Variants in KHDRBS3 observed in about 807,000 individuals in gnomAD.
The protein encoded by KHDRBS3 is KH domain-containing, RNA-binding, signal transduction-associated protein 3.
KHDRBS3 carries 23 observed loss-of-function variants against 45.6 expected under a neutral mutation model. The observed-to-expected ratio is 0.50, with a 90% CI of 0.36 to 0.72. The LOEUF is 0.72. Ranked by LOEUF, KHDRBS3 falls within the 30% of genes least tolerant of loss-of-function variation. The pLI is 0.00. For missense variants in KHDRBS3, 352 were observed against 424.8 expected (o/e 0.83, Z 1.51); for synonymous variants, 162 against 156.5 (o/e 1.04, Z -0.26).
chr8:135,618,500 A>T (rs2131076239), intron 7 of KHDRBS3, among the ~76,000 whole-genome samples: 1 of 152,332 alleles, frequency 6.6e-6, no homozygotes, highest in South Asian at 2.1e-4. Flanking sequence ...TATCAATGGT[A>T]ACTATATTTC....
intron 7 of KHDRBS3, among the ~76,000 whole-genome samples, chr8:135,616,579 C>T (rs960645605): frequency 2.0e-5 from 3 of 152,282 alleles, no homozygotes; most frequent in East Asian, 3.9e-4. Context: ...TTGGATTTAG[C>T]GCTGCCATCT....
chr8:135,595,262 T>C (rs774810200), intron 6 of KHDRBS3, among the ~76,000 whole-genome samples: 6 of 152,208 alleles, frequency 3.9e-5, no homozygotes, highest in Non-Finnish European at 7.3e-5. Flanking sequence ...CATTTCTTGA[T>C]CTGAGCATTG....
intron 7 of KHDRBS3, among the ~76,000 whole-genome samples, chr8:135,620,287 G>A (rs1372479777): frequency 1.3e-5 from 2 of 151,982 alleles, no homozygotes; most frequent in African/African-American, 4.8e-5. Flanking sequence ...TTTTTTTAGA[G>A]ACGGAGTTTT....
chr8:135,577,409 A>G (rs192314284), intron 5 of KHDRBS3, among the ~76,000 whole-genome samples: 12 of 151,256 alleles, frequency 7.9e-5, no homozygotes, highest in African/African-American at 2.4e-4. Flanking sequence ...TAGTTATTCA[A>G]CCTTCTCTCC....
chr8:135,626,112 G>A, intron 7 of KHDRBS3: 1 of 499,582 alleles, frequency 2.0e-6, no homozygotes, highest in Non-Finnish European at 3.6e-6. Flanking sequence ...ATTTAAAAAG[G>A]ACTTCTGCTT....
intron 1 of KHDRBS3, among the ~76,000 whole-genome samples, chr8:135,489,492 A>G (rs933648041): frequency 2.6e-5 from 4 of 152,182 alleles, no homozygotes; most frequent in African/African-American, 9.7e-5. Context: ...TTCCTGGCCA[A>G]TATAGTGAAA....
intron 7 of KHDRBS3, among the ~76,000 whole-genome samples, chr8:135,633,948 A>G (rs1214306104): frequency 1.3e-5 from 2 of 152,210 alleles, no homozygotes; most frequent in Non-Finnish European, 2.9e-5. Context: ...GGTTTGCACA[A>G]ATGTGTAATG....
At chr8:135,631,252 G>GAAA (rs35613635) in intron 7 of KHDRBS3, among the ~76,000 whole-genome samples, 61 of 74,788 alleles carry the variant, frequency 8.2e-4, no homozygotes, top group African/African-American at 1.6e-3. Flanking sequence ...CTCCGTCTCG[G>GAAA]AAAAAAAAAA....
chr8:135,575,525 AAG>A (rs1827910999), intron 5 of KHDRBS3, among the ~76,000 whole-genome samples: 1 of 152,258 alleles, frequency 6.6e-6, no homozygotes, highest in Middle Eastern at 3.2e-3. Context: ...TGAAAGGGAA[AAG>A]AGAACGCCAA....
intron 6 of KHDRBS3, among the ~76,000 whole-genome samples, chr8:135,599,058 T>C (rs1239585161): frequency 1.7e-4 from 26 of 152,256 alleles, no homozygotes; most frequent in Admixed American, 1.7e-3. Context: ...TCCTTTATCC[T>C]GGAAAATCTC....
At chr8:135,528,011 T>C (rs915859142) in intron 2 of KHDRBS3, among the ~76,000 whole-genome samples, 1 of 152,230 alleles carries the variant, frequency 6.6e-6, no homozygotes, top group Admixed American at 6.5e-5. Context: ...TGTACTGTGA[T>C]TGTGATTCTC....
At chr8:135,505,905 C>T (rs1823971764) in intron 1 of KHDRBS3, among the ~76,000 whole-genome samples, 1 of 152,122 alleles carries the variant, frequency 6.6e-6, no homozygotes, top group South Asian at 2.1e-4. Context: ...ACTGGAAACA[C>T]AGTGGGAAGG....
chr8:135,653,798 C>T (rs1831477481), intron 4 of KHDRBS3, among the ~76,000 whole-genome samples: 2 of 152,174 alleles, frequency 1.3e-5, no homozygotes, highest in African/African-American at 4.8e-5. Context: ...TTTATGAGGA[C>T]ATAACCCCAT....
intron 6 of KHDRBS3, among the ~76,000 whole-genome samples, chr8:135,606,617 G>A (rs761503257): frequency 6.6e-6 from 1 of 152,048 alleles, no homozygotes; most frequent in Non-Finnish European, 1.5e-5. Context: ...ATGGGAATAA[G>A]ACAAGTTAGA....
intron 2 of KHDRBS3, among the ~76,000 whole-genome samples, chr8:135,527,440 A>G (rs550691005): frequency 5.9e-5 from 9 of 152,376 alleles, no homozygotes; most frequent in Admixed American, 4.6e-4. Context: ...TTGGGGAATT[A>G]CAAGCCATTT....
chr8:135,605,750 A>G (rs1256221105), intron 6 of KHDRBS3, among the ~76,000 whole-genome samples: 2 of 152,216 alleles, frequency 1.3e-5, no homozygotes, highest in East Asian at 3.9e-4. Flanking sequence ...AACCCACACA[A>G]TTCAAATATG....
At chr8:135,485,196 T>TTGGC (rs1822792966) in intron 1 of KHDRBS3, among the ~76,000 whole-genome samples, 1 of 151,866 alleles carries the variant, frequency 6.6e-6, no homozygotes, top group African/African-American at 2.4e-5. Flanking sequence ...AAACAGCACT[T>TTGGC]TGTTTATTGC....
intron 3 of KHDRBS3, among the ~76,000 whole-genome samples, chr8:135,546,513 G>A (rs537599339): frequency 1.6e-4 from 25 of 152,266 alleles, no homozygotes; most frequent in African/African-American, 6.0e-4. Context: ...CAAACTTCAT[G>A]CTGGATGTTT....
chr8:135,548,638 G>T, intron 3 of KHDRBS3, 116 bp from the exon 4 acceptor site: 1 of 805,114 alleles, frequency 1.2e-6, no homozygotes, highest in Non-Finnish European at 1.8e-6. Flanking sequence ...TGTGACAACC[G>T]CTTGCCAGAT....
Sources: gnomAD v4.1 joint callset for allele counts (sites outside exome capture counted in the v4.1 genomes callset) on GRCh38, gnomAD v4.1.1 for gene constraint, MANE v1.5 for transcripts, NCBI Gene and HGNC (gene_info 2026-07-23, HGNC 2026-07-21) for gene names.